CALD1: variants seen among roughly 807,000 people sequenced by gnomAD.
CALD1 encodes the protein caldesmon.
In CALD1, 33 loss-of-function variants were observed where a neutral mutation model predicts 99.9. The observed-to-expected ratio is 0.33, with a 90% CI of 0.25 to 0.44. CALD1 has a LOEUF of 0.44. CALD1 is among the 20% of genes least tolerant of loss of function. The probability of loss-of-function intolerance (pLI) is 1.00; values close to 1 mark genes in which losing one functional copy is unlikely to be tolerated. For missense variants in CALD1, 861 were observed against 962.1 expected (o/e 0.89, Z 1.39); for synonymous variants, 310 against 325.0 (o/e 0.95, Z 0.50).
At chr7:134,722,608 C>G in the CALD1 span, among the ~76,000 whole-genome samples, 63,253 of 151,602 alleles carry the variant, frequency 0.42, 14,711 homozygotes, top group African/African-American at 0.63. Flanking sequence ...TTTTAGTAGA[C>G]ACAGGGTTTC....
chr7:134,739,332 A>G (rs1419583668), upstream of CALD1, among the ~76,000 whole-genome samples: 2 of 152,338 alleles, frequency 1.3e-5, no homozygotes, highest in South Asian at 2.1e-4. Flanking sequence ...TACCCAATAA[A>G]TGATGGACCT....
chr7:134,769,530 C>T (rs1796858999), intron 1 of CALD1, among the ~76,000 whole-genome samples: 1 of 152,014 alleles, frequency 6.6e-6, no homozygotes. Flanking sequence ...TTGCAGTGTT[C>T]TCTAAGTGGA....
At chr7:134,838,146 A>G (rs1799517631) in intron 1 of CALD1, among the ~76,000 whole-genome samples, 1 of 152,212 alleles carries the variant, frequency 6.6e-6, no homozygotes, top group South Asian at 2.1e-4. Flanking sequence ...ATATTATCAT[A>G]TTAATACATC....
chr7:134,891,090 T>C (rs1802137956), intron 3 of CALD1, among the ~76,000 whole-genome samples: 1 of 152,230 alleles, frequency 6.6e-6, no homozygotes, highest in South Asian at 2.1e-4. Context: ...CTGATTTCTG[T>C]TGATCTTGTC....
intron 3 of CALD1, among the ~76,000 whole-genome samples, chr7:134,896,752 A>T (rs745310961): frequency 3.3e-5 from 5 of 152,180 alleles, no homozygotes; most frequent in East Asian, 1.9e-4. Flanking sequence ...CATTCCTCTC[A>T]GCCCATCAAA....
At position 134,958,757 on chromosome 7, in the gene CALD1, A is replaced by T. The variant is rs534112371; in HGVS notation, c.2061+467A>T. ...ACTTTGAAATTCTAAGTTCTAAGAA[A>T]TACAATAATAAAGATAAATTTTAGG... On this transcript the variant is annotated intron_variant, in intron 11 of 14. Transcript: ENST00000361675. 2.8e-4 allele frequency among the ~76,000 whole-genome samples: 43 copies of T among 151,968 alleles called. No individual in the cohort carries two copies. In the Middle Eastern group the frequency reaches 0.01, roughly 37 times the overall value.
chr7:134,862,910 G>C (rs907025290), intron 2 of CALD1, among the ~76,000 whole-genome samples: 24 of 152,190 alleles, frequency 1.6e-4, no homozygotes, highest in Non-Finnish European at 2.9e-5. Flanking sequence ...GTGTCAGCAT[G>C]GCCAGGCTCC....
intron 3 of CALD1, among the ~76,000 whole-genome samples, chr7:134,907,223 G>A (rs1436352082): frequency 6.6e-6 from 1 of 152,090 alleles, no homozygotes; most frequent in East Asian, 1.9e-4. Context: ...ACAGGGAGAT[G>A]TCTCATTTTG....
chr7:134,771,059 A>G (rs1305796305), intron 1 of CALD1, among the ~76,000 whole-genome samples: 3 of 152,184 alleles, frequency 2.0e-5, no homozygotes, highest in African/African-American at 7.2e-5. Context: ...CCTTCCTTCA[A>G]CTGCCTCTTC....
intron 1 of CALD1, among the ~76,000 whole-genome samples, chr7:134,843,004 C>A (rs774494860): frequency 9.9e-5 from 15 of 152,180 alleles, no homozygotes; most frequent in Non-Finnish European, 1.6e-4. Context: ...ATCAAAGGAG[C>A]AATAACTAGT....
chr7:134,853,027 T>C (rs1012020361), intron 2 of CALD1, among the ~76,000 whole-genome samples: 2 of 152,214 alleles, frequency 1.3e-5, no homozygotes, highest in Non-Finnish European at 2.9e-5. Context: ...ATGCTTTTAT[T>C]GTCGGAAGTT....
the CALD1 span, among the ~76,000 whole-genome samples, chr7:134,738,890 T>G: frequency 6.6e-6 from 1 of 152,238 alleles, no homozygotes. Flanking sequence ...GACTTAATTG[T>G]GTCCACTAAT....
chr7:134,948,691 C>T (rs1000352854), intron 8 of CALD1, among the ~76,000 whole-genome samples: 1 of 152,100 alleles, frequency 6.6e-6, no homozygotes, highest in Non-Finnish European at 1.5e-5. Flanking sequence ...AAAAAAAAGA[C>T]TTTCAATGGC....
intron 1 of CALD1, among the ~76,000 whole-genome samples, chr7:134,767,945 T>C (rs1240074830): frequency 6.6e-6 from 1 of 152,258 alleles, no homozygotes; most frequent in Non-Finnish European, 1.5e-5. Context: ...GAGAAAACTC[T>C]AGCCACAGCT....
the CALD1 span, among the ~76,000 whole-genome samples, chr7:134,723,562 T>G: frequency 9.9e-5 from 6 of 60,506 alleles, no homozygotes; most frequent in African/African-American, 5.2e-4. Flanking sequence ...TTTTTTTTTT[T>G]GCAGAAAACT....
intron 8 of CALD1, among the ~76,000 whole-genome samples, chr7:134,949,160 T>A (rs913574933): frequency 6.6e-6 from 1 of 152,212 alleles, no homozygotes; most frequent in African/African-American, 2.4e-5. Context: ...CCATCATTGT[T>A]ATTATGATTA....
chr7:134,812,376 G>A (rs1207844763), intron 1 of CALD1, among the ~76,000 whole-genome samples: 1 of 152,168 alleles, frequency 6.6e-6, no homozygotes, highest in Admixed American at 6.6e-5. Flanking sequence ...TACACAGAAT[G>A]ACTGAATAAG....
chr7:134,885,177 CCTGCCT>C (rs1298057519), intron 3 of CALD1, among the ~76,000 whole-genome samples: 3 of 152,118 alleles, frequency 2.0e-5, no homozygotes, highest in African/African-American at 7.2e-5. Flanking sequence ...AGGTGATCCT[CCTGCCT>C]CTGCCTCCCA....
chr7:134,714,614 T>C, the CALD1 span, among the ~76,000 whole-genome samples: 1 of 152,236 alleles, frequency 6.6e-6, no homozygotes, highest in Admixed American at 6.5e-5. Flanking sequence ...GTGTCACTGC[T>C]CAGTGACTGC....
Sources: allele counts gnomAD v4.1 joint callset (sites outside exome capture counted in the v4.1 genomes callset), GRCh38; gene constraint gnomAD v4.1.1; transcripts MANE v1.5; gene names NCBI Gene and HGNC (gene_info 2026-07-23, HGNC 2026-07-21).